RBL1: variants seen among roughly 807,000 people sequenced by gnomAD.
The protein encoded by RBL1 is RB transcriptional corepressor like 1, also known as retinoblastoma-like protein 1.
A neutral mutation model predicts 123.0 loss-of-function variants in RBL1; 82 were observed. That is an observed-to-expected ratio of 0.67 (90% CI 0.56 to 0.80). The LOEUF (loss-of-function observed/expected upper bound fraction) is 0.80. Among genes scored for constraint, RBL1 ranks in the 30% least tolerant of loss-of-function variants. The pLI is 0.00. For synonymous variants in RBL1, 405 were observed against 441.3 expected, an observed-to-expected ratio of 0.92 and a Z score of 1.03; for missense variants, 1,171 against 1,299.6, an observed-to-expected ratio of 0.90 and a Z score of 1.52.
intron 3 of RBL1, among the ~76,000 whole-genome samples, chr20:37,067,766 C>CAAAAAAAAAAAAAAAAAA: frequency 1.6e-5 from 1 of 62,686 alleles, no homozygotes; most frequent in Middle Eastern, 0.01. Flanking sequence ...TGAGACTCCT[C>CAAAAAAAAAAAAAAAAAA]AAAAAAAAAA....
intron 2 of RBL1, among the ~76,000 whole-genome samples, chr20:37,079,785 G>T (rs1223879203): frequency 6.6e-6 from 1 of 152,092 alleles, no homozygotes; most frequent in Non-Finnish European, 1.5e-5. Flanking sequence ...ACCACGCCCA[G>T]CCCACAAAGG....
At chr20:37,057,161 A>C (rs2065025562) in intron 9 of RBL1, among the ~76,000 whole-genome samples, 2 of 152,180 alleles carry the variant, frequency 1.3e-5, no homozygotes, top group South Asian at 2.1e-4. Flanking sequence ...TGCAGTTAAC[A>C]TGATGTGCAA....
intron 21 of RBL1, among the ~76,000 whole-genome samples, chr20:37,001,063 G>T (rs1405296312): frequency 6.9e-6 from 1 of 145,626 alleles, no homozygotes; most frequent in African/African-American, 2.5e-5. Context: ...CGCCCCATCC[G>T]GGAGGGAGGC....
chr20:37,091,003 C>T (rs2065636944), intron 1 of RBL1, among the ~76,000 whole-genome samples: 1 of 152,132 alleles, frequency 6.6e-6, no homozygotes, highest in Non-Finnish European at 1.5e-5. Flanking sequence ...CAGACATCTC[C>T]AAGCTAGAAT....
intron 19 of RBL1, among the ~76,000 whole-genome samples, chr20:37,012,257 C>T (rs1249671967): frequency 2.0e-5 from 3 of 152,192 alleles, no homozygotes; most frequent in Admixed American, 6.5e-5. Context: ...CCCAAAGTGC[C>T]GAGATTGCAG....
chr20:37,092,148 T>C (rs2065657039), intron 1 of RBL1, among the ~76,000 whole-genome samples: 2 of 151,982 alleles, frequency 1.3e-5, no homozygotes, highest in Admixed American at 1.3e-4. Context: ...GAGGCTGAGA[T>C]GGGAGAAGTG....
chr20:37,085,921 C>T (rs1024492022), intron 2 of RBL1, among the ~76,000 whole-genome samples: 7 of 151,696 alleles, frequency 4.6e-5, no homozygotes, highest in Admixed American at 2.0e-4. Flanking sequence ...AGTGCTGGGA[C>T]TACAGGCGTG....
At chr20:37,003,652 C>A in intron 21 of RBL1, 50 bp downstream of exon 21, 17 of 1,482,764 alleles carry the variant, frequency 1.1e-5, no homozygotes, top group South Asian at 7.1e-5. Context: ...GCAGGATTAA[C>A]AGTTACTGAC....
At position 36,997,133 on chromosome 20, in the gene RBL1, A is replaced by G. The variant is rs2063897042; in HGVS notation, c.*1626T>C. On this transcript the variant is annotated 3_prime_UTR_variant, in exon 22 of 22. Coordinates refer to ENST00000373664, the MANE Select transcript of RBL1 (RefSeq NM_002895.5). ...AAAATTAATTATGAGTGGCTTATTCATGTCCTTTGGATTCCAGACACACAC... is the reference window on the plus strand; with the variant it reads ...AAAATTAATTATGAGTGGCTTATTCGTGTCCTTTGGATTCCAGACACACAC... 6.6e-6 allele frequency: 1 copy of G among 152,236 alleles called. No individual in the cohort carries two copies. Among genetic ancestry groups the G allele is most frequent in the Non-Finnish European group, 1.5e-5 (1 of 68,050 alleles). 9.4% of individuals were successfully genotyped at this position (152,236 alleles called of 1,614,324 possible).
intron 19 of RBL1, among the ~76,000 whole-genome samples, chr20:37,012,560 C>G (rs1303610192): frequency 6.6e-6 from 1 of 151,512 alleles, no homozygotes; most frequent in Admixed American, 6.6e-5. Context: ...GCCGCGACCC[C>G]GTCTGGGAGG....
chr20:37,037,990 T>G (rs1358680341), intron 14 of RBL1, among the ~76,000 whole-genome samples: 1 of 29,514 alleles, frequency 3.4e-5, no homozygotes, highest in African/African-American at 3.3e-4. Flanking sequence ...CGGCCATTGT[T>G]TTTTTTTTTT....
chr20:37,022,633 C>T lies in RBL1; in HGVS notation c.2559+17G>A. ...TGAGCCACCATGCCCAGCCTCTTCT[C>T]CCAATTTATACATTACCTTTGCCAT... is the stretch of plus-strand genomic sequence containing the variant. On this transcript the variant is annotated intron_variant, in intron 17 of 21. Coordinates refer to ENST00000373664, the MANE Select transcript of RBL1 (RefSeq NM_002895.5). 6.3e-7 allele frequency: 1 copy of T among 1,584,880 alleles called. No homozygotes were observed. The highest frequency in any genetic ancestry group is 1.1e-5 in the South Asian group (1 of 87,140).
chr20:37,010,788 G>C (rs2064137609), intron 19 of RBL1, among the ~76,000 whole-genome samples: 1 of 151,876 alleles, frequency 6.6e-6, no homozygotes, highest in Non-Finnish European at 1.5e-5. Context: ...GTGTGTGTGT[G>C]TCCACACATA....
chr20:37,028,493 C>A (rs1217362372), intron 16 of RBL1, among the ~76,000 whole-genome samples: 1 of 152,084 alleles, frequency 6.6e-6, no homozygotes, highest in Non-Finnish European at 1.5e-5. Context: ...CATGCCACTG[C>A]ACTGTAGCTT....
At chr20:37,059,850 T>TA (rs1351611005) in intron 9 of RBL1, among the ~76,000 whole-genome samples, 1 of 147,690 alleles carries the variant, frequency 6.8e-6, no homozygotes, top group Non-Finnish European at 1.5e-5. Flanking sequence ...CATGCTTCCT[T>TA]AAAAAACAAA....
rs1202673380 is a variant in RBL1, at chr20:37,085,647, A to ATTTTT, written c.290+3337_290+3341dup. The stretch of plus-strand genomic sequence containing the variant: ...AGTTTGTTTCATTATTTGAAATTTG[A>ATTTTT]TTTTTTTTTTTTTTTTTTTTTTTTG... On this transcript the variant is annotated intron_variant, in intron 2 of 21. Coordinates refer to ENST00000373664, the MANE Select transcript of RBL1 (RefSeq NM_002895.5). 5.9e-3 allele frequency among the ~76,000 whole-genome samples: 497 copies of ATTTTT among 84,602 alleles called. 1 individual carries two copies. The highest frequency in any genetic ancestry group is 0.014 in the Middle Eastern group (1 of 74). The allele number at this position is 84,602 out of a possible 152,430, so 55.5% of individuals were successfully genotyped here.
rs2065723652 is a variant in RBL1, at chr20:37,095,663, G to T, written c.156+110C>A. On this transcript the variant is annotated intron_variant, in intron 1 of 21. Coordinates refer to ENST00000373664, the MANE Select transcript of RBL1 (RefSeq NM_002895.5). ...GCCCCTCGGCGCTTGGCTGCGCAGC[G>T]ACCCTCCTAGGTGGGGAAACTCCCA... 1.6e-5 allele frequency: 16 copies of T among 1,000,076 alleles called. No individual in the cohort carries two copies. In the South Asian group the frequency reaches 3.1e-4, roughly 19 times the overall value. The allele number at this position is 1,000,076 out of a possible 1,614,324, so 62.0% of individuals were successfully genotyped here.
intron 7 of RBL1, among the ~76,000 whole-genome samples, chr20:37,064,201 G>C (rs746432563): frequency 1.4e-5 from 2 of 145,272 alleles, no homozygotes; most frequent in Non-Finnish European, 3.0e-5. Flanking sequence ...GCAGTGGTGC[G>C]ATCTCAACTT....
chr20:37,042,061 A>G (rs2064736941), intron 13 of RBL1, among the ~76,000 whole-genome samples: 1 of 143,658 alleles, frequency 7.0e-6, no homozygotes, highest in Non-Finnish European at 1.5e-5. Context: ...CAACAGAGCA[A>G]GACTTTGTCT....
Sources: allele counts gnomAD v4.1 joint callset (sites outside exome capture counted in the v4.1 genomes callset), GRCh38; gene constraint gnomAD v4.1.1; transcripts MANE v1.5; gene names NCBI Gene and HGNC (gene_info 2026-07-23, HGNC 2026-07-21).